Variants in SYT1 observed in about 807,000 individuals in gnomAD.
The protein encoded by SYT1 is synaptotagmin-1.
SYT1 carries 8 observed loss-of-function variants against 44.8 expected under a neutral mutation model. The observed-to-expected ratio is 0.18, with a 90% CI of 0.10 to 0.32. The LOEUF (loss-of-function observed/expected upper bound fraction) is 0.32, where lower values mean the gene tolerates loss of function less well. Ranked by LOEUF, SYT1 falls within the 10% of genes least tolerant of loss-of-function variation. The pLI is 1.00. For missense variants in SYT1, 286 were observed against 509.3 expected, an observed-to-expected ratio of 0.56 and a Z score of 4.22; for synonymous variants, 154 against 188.8, an observed-to-expected ratio of 0.82 and a Z score of 1.51.
intron 10 of SYT1, among the ~76,000 whole-genome samples, chr12:79,446,034 T>TACATATATA (rs1491131045): frequency 1.2e-4 from 14 of 115,530 alleles, no homozygotes; most frequent in East Asian, 5.1e-4. Context: ...TATATATATA[T>TACATATATA]TATGCCTAGG....
chr12:78,940,260 G>A (rs1592585408), intron 1 of SYT1, among the ~76,000 whole-genome samples: 1 of 151,926 alleles, frequency 6.6e-6, no homozygotes, highest in Non-Finnish European at 1.5e-5. Context: ...GAGATGTATT[G>A]AGTCTCCTGA....
chr12:79,355,340 G>T (rs1883070806), intron 9 of SYT1, among the ~76,000 whole-genome samples: 1 of 152,142 alleles, frequency 6.6e-6, no homozygotes, highest in African/African-American at 2.4e-5. Flanking sequence ...AATGAATAAG[G>T]AAAGGCCAAA....
chr12:79,178,167 T>G (rs149087784), intron 3 of SYT1, among the ~76,000 whole-genome samples: 2 of 152,238 alleles, frequency 1.3e-5, no homozygotes, highest in Non-Finnish European at 2.9e-5. Flanking sequence ...TTAGCATAGT[T>G]GGCCCTTGCC....
At chr12:79,380,032 T>C (rs1884152052) in intron 9 of SYT1, among the ~76,000 whole-genome samples, 1 of 152,178 alleles carries the variant, frequency 6.6e-6, no homozygotes, top group South Asian at 2.1e-4. Flanking sequence ...AAACCCCCTT[T>C]CCAGAAACAA....
At chr12:79,281,989 T>A (rs1204634161) in intron 4 of SYT1, among the ~76,000 whole-genome samples, 2 of 152,208 alleles carry the variant, frequency 1.3e-5, no homozygotes, top group South Asian at 2.1e-4. Context: ...AAGAGGCACC[T>A]GCATTCCTTG....
intron 2 of SYT1, among the ~76,000 whole-genome samples, chr12:79,043,625 C>G: frequency 6.6e-6 from 1 of 151,444 alleles, no homozygotes; most frequent in East Asian, 2.0e-4. Context: ...AGTCCATTTA[C>G]ATTTAAAGTT....
At chr12:78,896,363 G>A (rs76001131) in intron 1 of SYT1, among the ~76,000 whole-genome samples, 7,663 of 151,712 alleles carry the variant, frequency 0.051, 243 homozygotes, top group Non-Finnish European at 0.072. Flanking sequence ...AGAAATAACT[G>A]GGAAGATGCC....
chr12:78,905,148 T>A (rs1875895567), intron 1 of SYT1, among the ~76,000 whole-genome samples: 1 of 152,206 alleles, frequency 6.6e-6, no homozygotes, highest in Non-Finnish European at 1.5e-5. Context: ...AGAAATGTCT[T>A]CCTGTTTTCT....
chr12:79,073,320 C>T (rs1876412958), intron 3 of SYT1, among the ~76,000 whole-genome samples: 1 of 152,084 alleles, frequency 6.6e-6, no homozygotes, highest in Non-Finnish European at 1.5e-5. Flanking sequence ...TCAAATTTAA[C>T]TGGGTGCCCT....
At chr12:78,873,777 A>G (rs1483946744) in intron 1 of SYT1, among the ~76,000 whole-genome samples, 1 of 151,678 alleles carries the variant, frequency 6.6e-6, no homozygotes. Context: ...CCAAGGTAGA[A>G]TGGTTAAACA....
chr12:79,082,178 A>G (rs1877079722), intron 3 of SYT1, among the ~76,000 whole-genome samples: 1 of 152,182 alleles, frequency 6.6e-6, no homozygotes, highest in South Asian at 2.1e-4. Context: ...AGGAAGTTAT[A>G]TAGCCTTTTT....
chr12:78,912,855 A>C (rs887707038), intron 1 of SYT1, among the ~76,000 whole-genome samples: 5 of 151,964 alleles, frequency 3.3e-5, no homozygotes, highest in Non-Finnish European at 7.4e-5. Context: ...CTTAGTAACT[A>C]GCATTTTCTA....
chr12:79,120,216 C>T (rs1879520182), intron 3 of SYT1, among the ~76,000 whole-genome samples: 1 of 151,924 alleles, frequency 6.6e-6, no homozygotes, highest in East Asian at 1.9e-4. Context: ...GAGGACAGAG[C>T]AATTAATTTA....
At chr12:79,336,559 G>A (rs1404015162) in intron 8 of SYT1, among the ~76,000 whole-genome samples, 1 of 151,768 alleles carries the variant, frequency 6.6e-6, no homozygotes, top group African/African-American at 2.4e-5. Context: ...TGTTGACAGA[G>A]GCCATGGCAA....
At chr12:78,972,961 G>A (rs570972206) in intron 1 of SYT1, among the ~76,000 whole-genome samples, 60 of 152,002 alleles carry the variant, frequency 3.9e-4, no homozygotes, top group African/African-American at 1.4e-3. Context: ...TACAATAATC[G>A]AACTTAAAGT....
intron 2 of SYT1, 84 bp downstream of exon 2, chr12:78,978,015 G>A (rs1186954820): frequency 2.6e-5 from 4 of 152,182 alleles, no homozygotes; most frequent in Admixed American, 2.0e-4. Flanking sequence ...ATGTGGCGGC[G>A]GGGCCGGCGG....
chr12:79,083,860 C>T (rs549093583), intron 3 of SYT1, among the ~76,000 whole-genome samples: 12 of 152,068 alleles, frequency 7.9e-5, no homozygotes, highest in East Asian at 3.9e-4. Context: ...GATGTCAACA[C>T]GAACATCTTT....
chr12:79,305,843 C>A (rs1362218364), intron 8 of SYT1, among the ~76,000 whole-genome samples: 1 of 152,150 alleles, frequency 6.6e-6, no homozygotes, highest in African/African-American at 2.4e-5. Flanking sequence ...ATTACAGGTG[C>A]CTGCCACCAT....
At chr12:79,060,049 C>G (rs1456085203) in intron 3 of SYT1, among the ~76,000 whole-genome samples, 1 of 152,064 alleles carries the variant, frequency 6.6e-6, no homozygotes, top group Non-Finnish European at 1.5e-5. Context: ...TTTCTCTTTG[C>G]ATAAGAGAGT....
Sources: allele counts gnomAD v4.1 joint callset (sites outside exome capture counted in the v4.1 genomes callset), GRCh38; gene constraint gnomAD v4.1.1; transcripts MANE v1.5; gene names NCBI Gene and HGNC (gene_info 2026-07-23, HGNC 2026-07-21).